TCF7: variants seen among roughly 807,000 people sequenced by gnomAD.
The protein encoded by TCF7 is T-cell-factor-7.
Under a neutral mutation model 46.8 loss-of-function variants are expected in TCF7, and 19 were observed. The observed-to-expected ratio is 0.41, with a 90% CI of 0.28 to 0.60. The LOEUF is 0.60. Among genes scored for constraint, TCF7 ranks in the 20% least tolerant of loss-of-function variants. TCF7 has a pLI of 0.35. For missense variants in TCF7, 547 were observed against 504.6 expected (o/e 1.08, Z -0.81); for synonymous variants, 245 against 213.4 (o/e 1.15, Z -1.29).
At chr5:134,142,459 G>A (rs1759969401) in intron 6 of TCF7, among the ~76,000 whole-genome samples, 155 bp downstream of exon 6, 1 of 151,102 alleles carries the variant, frequency 6.6e-6, no homozygotes, top group South Asian at 2.1e-4. Flanking sequence ...TGGGTGGGAT[G>A]GGGAACAAGG....
At chr5:134,117,281 C>G (rs558486015) in intron 3 of TCF7, among the ~76,000 whole-genome samples, 3 of 152,326 alleles carry the variant, frequency 2.0e-5, no homozygotes, top group Admixed American at 1.3e-4. Flanking sequence ...GGTGTGCCCC[C>G]CAGCATTCCC....
rs115262597 is a variant in TCF7 at position 134,147,614 on chromosome 5, G to A, written c.*1311G>A. On this transcript the variant is annotated 3_prime_UTR_variant, in exon 10 of 10. Transcript: ENST00000342854. ...CTACGTTAACCCATTTTTGAGCCAA[G>A]CTTCAACCCTCAGCCTTGAAAAACA... The A allele has an allele frequency of 4.0e-3, 614 of 152,678 alleles. 3 individuals are homozygous for A. The highest frequency in any genetic ancestry group is 0.019 in the South Asian group (91 of 4,826). 9.5% of individuals were successfully genotyped at this position (152,678 alleles called of 1,614,324 possible). A position where few individuals can be genotyped will look rare whatever the true frequency, so the allele number is the denominator to read the frequency against.
In TCF7 at chr5:134,114,851, C is replaced by A. The variant is rs1755573251; in HGVS notation, c.-56C>A. The A allele has an allele frequency of 1.6e-5, 16 of 982,410 alleles. No homozygotes were observed. The highest frequency in any genetic ancestry group is 4.6e-5 in the South Asian group (1 of 21,544). 60.9% of individuals were successfully genotyped at this position (982,410 alleles called of 1,614,324 possible). A position where few individuals can be genotyped will look rare whatever the true frequency, so the allele number is the denominator to read the frequency against. ...GGGCTCGCCGCCCCCCGGGCCGGCT[C>A]CGCGCCCCGCACTCCCGGCGCCCAG... On this transcript the variant is annotated 5_prime_UTR_variant, in exon 1 of 10. Coordinates refer to ENST00000342854, the MANE Select transcript of TCF7 (RefSeq NM_003202.5).
rs753281301 is a variant in TCF7 at position 134,142,778 on chromosome 5, G to A, written c.813G>A (p.Lys271=). Residue 271 remains lysine, a synonymous_variant, in exon 7 of 10, where the codon AAG becomes AAA. Transcript: ENST00000342854. ...AGGCCAAGAAGCCAACCATCAAGAAGCCCCTCAATGCCTTCATGCTGTACA... is the reference window on the plus strand; with the variant it reads ...AGGCCAAGAAGCCAACCATCAAGAAACCCCTCAATGCCTTCATGCTGTACA... The part of the protein sequence containing the change: ...EKEAKKPTIK[K]PLNAFMLYMK... 6.2e-6 allele frequency: 10 copies of A among 1,614,184 alleles called. No individual in the cohort carries two copies. In the South Asian group the frequency reaches 8.8e-5, roughly 14 times the overall value.
chr5:134,112,366 C>G (rs1393130571), upstream of TCF7, among the ~76,000 whole-genome samples: 1 of 152,246 alleles, frequency 6.6e-6, no homozygotes, highest in Non-Finnish European at 1.5e-5. Context: ...CTCTCCACAG[C>G]CCAAGCCAGG....
chr5:134,146,422 T>C lies in TCF7; in HGVS notation c.*119T>C. The stretch of plus-strand genomic sequence containing the variant: ...CACCTACATCCCCAGGTCTCTCCAC[T>C]GCTCTCAGCCTCCCAACCCCAGGGC... On this transcript the variant is annotated 3_prime_UTR_variant, in exon 10 of 10. Coordinates refer to ENST00000342854, the MANE Select transcript of TCF7 (RefSeq NM_003202.5). 3 of 1,263,852 alleles carry C rather than the reference T, an allele frequency of 2.4e-6. No homozygotes were observed. Among genetic ancestry groups the C allele is most frequent in the South Asian group, 1.2e-5 (1 of 83,974 alleles). 78.3% of individuals were successfully genotyped at this position (1,263,852 alleles called of 1,614,324 possible).
At chr5:134,140,197 CGGGCAGGGTTCT>C (rs1447946162) in intron 5 of TCF7, among the ~76,000 whole-genome samples, 2 of 152,138 alleles carry the variant, frequency 1.3e-5, no homozygotes, top group East Asian at 3.9e-4. Context: ...TATTGTGTGC[CGGGCAGGGTTCT>C]GGGCACCAGG....
intron 3 of TCF7, among the ~76,000 whole-genome samples, chr5:134,131,819 C>T (rs1758166447): frequency 6.6e-6 from 1 of 152,200 alleles, no homozygotes; most frequent in Non-Finnish European, 1.5e-5. Flanking sequence ...CCAGACTGGC[C>T]CAGAGCAGGA....
rs1760931773 is a variant in TCF7, at chr5:134,148,195, G to A, written c.*1892G>A. On this transcript the variant is annotated 3_prime_UTR_variant, in exon 10 of 10. Transcript: ENST00000342854. Reference sequence around the variant, plus strand: ...AAAAACTTTTAAACATGAGAATAAAGATACTTTTTACTGGGTTTGTTTTTC... The same window carrying A: ...AAAAACTTTTAAACATGAGAATAAAAATACTTTTTACTGGGTTTGTTTTTC... 6.6e-6 allele frequency: 1 copy of A among 152,562 alleles called. No homozygotes were observed. The highest frequency in any genetic ancestry group is 1.5e-5 in the Non-Finnish European group (1 of 68,028). 9.5% of individuals were successfully genotyped at this position (152,562 alleles called of 1,614,324 possible). A position where few individuals can be genotyped will look rare whatever the true frequency, so the allele number is the denominator to read the frequency against.
chr5:134,142,421 G>A, intron 6 of TCF7, 117 bp downstream of exon 6: 1 of 235,792 alleles, frequency 4.2e-6, no homozygotes, highest in South Asian at 5.5e-5. Flanking sequence ...CTCTGGCTAT[G>A]TTTTTGATCC....
At chr5:134,128,115 C>T (rs987105173) in intron 3 of TCF7, among the ~76,000 whole-genome samples, 14 of 152,304 alleles carry the variant, frequency 9.2e-5, no homozygotes, top group South Asian at 6.2e-4. Context: ...CACTCCGTTG[C>T]GTCTTTGGCC....
intron 2 of TCF7, 94 bp from the exon 3 acceptor site, chr5:134,115,814 AC>A: frequency 6.4e-7 from 1 of 1,574,302 alleles, no homozygotes; most frequent in Non-Finnish European, 8.6e-7. Context: ...CTTGCAGGGG[AC>A]CCCTTGGCAA....
intron 9 of TCF7, 99 bp downstream of exon 9, chr5:134,143,739 A>C (rs1448119392): frequency 2.1e-6 from 3 of 1,407,166 alleles, no homozygotes; most frequent in Non-Finnish European, 2.9e-6. Flanking sequence ...GTACCCAGCT[A>C]GGAGCCTTCA....
chr5:134,141,054 G>C (rs891897986), intron 5 of TCF7: 1 of 312,896 alleles, frequency 3.2e-6, no homozygotes, highest in Admixed American at 4.8e-5. Flanking sequence ...AATGAAGCTA[G>C]TGCAAGTGCC....
At chr5:134,143,820 A>G (rs1224878186) in intron 9 of TCF7, 180 bp downstream of exon 9, 11 of 656,704 alleles carry the variant, frequency 1.7e-5, no homozygotes, top group Non-Finnish European at 2.6e-5. Flanking sequence ...CAGCTATATT[A>G]TACTAAGTCC....
chr5:134,142,044 A>G (rs1020134374), intron 5 of TCF7, 141 bp from the exon 6 acceptor site: 1 of 1,164,200 alleles, frequency 8.6e-7, no homozygotes, highest in Non-Finnish European at 1.2e-6. Flanking sequence ...ATCTCTGTGT[A>G]CTTATGTCTA....
chr5:134,119,576 C>CA (rs1674386663), intron 3 of TCF7, among the ~76,000 whole-genome samples: 1 of 152,220 alleles, frequency 6.6e-6, no homozygotes, highest in African/African-American at 2.4e-5. Flanking sequence ...CTGATCTCCA[C>CA]AGTTGTCCAG....
chr5:134,123,586 C>A, intron 3 of TCF7: 1 of 422,348 alleles, frequency 2.4e-6, no homozygotes, highest in South Asian at 1.7e-5. Context: ...AGGAGAGAGG[C>A]AGAGGCTGGC....
chr5:134,144,422 GGGA>G (rs1408448640), intron 9 of TCF7: 6 of 268,164 alleles, frequency 2.2e-5, no homozygotes, highest in Admixed American at 1.9e-4. Flanking sequence ...TAGGGAGTTG[GGGA>G]GGAGGTGGGT....
Sources: gnomAD v4.1 joint callset for allele counts (sites outside exome capture counted in the v4.1 genomes callset) on GRCh38, gnomAD v4.1.1 for gene constraint, MANE v1.5 for transcripts, NCBI Gene and HGNC (gene_info 2026-07-23, HGNC 2026-07-21) for gene names.